The following PRR16 variants were observed in gnomAD, a reference collection of about 807,000 sequenced individuals.
PRR16 encodes protein Largen.
A neutral mutation model predicts 18.2 loss-of-function variants in PRR16; 6 were observed. The observed-to-expected ratio is 0.33, with a 90% CI of 0.18 to 0.65. The LOEUF (loss-of-function observed/expected upper bound fraction) is 0.65. Among genes scored for constraint, PRR16 ranks in the 30% least tolerant of loss-of-function variants. The pLI, the probability that PRR16 is intolerant of heterozygous loss-of-function variation, is 0.74. For synonymous variants in PRR16, 151 were observed against 147.8 expected, an observed-to-expected ratio of 1.02 and a Z score of -0.16; for missense variants, 412 against 376.6, an observed-to-expected ratio of 1.09 and a Z score of -0.78.
chr5:120,575,559 A>G (rs1753050614), intron 1 of PRR16, among the ~76,000 whole-genome samples: 1 of 152,192 alleles, frequency 6.6e-6, no homozygotes, highest in Non-Finnish European at 1.5e-5. Flanking sequence ...CCAAAACATC[A>G]TAATTATCTC....
At chr5:120,649,453 T>C (rs1026721626) in intron 1 of PRR16, among the ~76,000 whole-genome samples, 6 of 152,144 alleles carry the variant, frequency 3.9e-5, no homozygotes, top group African/African-American at 1.4e-4. Context: ...TCATTGTGAT[T>C]TTTTACTACT....
At chr5:120,579,465 C>T (rs1245837131) in intron 1 of PRR16, among the ~76,000 whole-genome samples, 1 of 152,168 alleles carries the variant, frequency 6.6e-6, no homozygotes, top group East Asian at 1.9e-4. Flanking sequence ...CCGTTTTCTG[C>T]ATATGGCTAG....
chr5:120,485,752 A>G (rs952340718), intron 1 of PRR16, among the ~76,000 whole-genome samples: 2 of 152,034 alleles, frequency 1.3e-5, no homozygotes, highest in Admixed American at 1.3e-4. Flanking sequence ...GCACCCATCA[A>G]CCCGTCATCT....
At chr5:120,774,576 T>A in the PRR16 span, among the ~76,000 whole-genome samples, 1 of 152,086 alleles carries the variant, frequency 6.6e-6, no homozygotes, top group Admixed American at 6.6e-5. Context: ...TCAACCCCAA[T>A]AAAAGATTAT....
At chr5:120,730,306 A>G in the PRR16 span, among the ~76,000 whole-genome samples, 2 of 152,160 alleles carry the variant, frequency 1.3e-5, no homozygotes, top group African/African-American at 2.4e-5. Context: ...ACCAGGGTGG[A>G]AAACAGAGAC....
At chr5:120,730,898 C>CT in the PRR16 span, among the ~76,000 whole-genome samples, 1 of 152,046 alleles carries the variant, frequency 6.6e-6, no homozygotes, top group African/African-American at 2.4e-5. Flanking sequence ...ATCTTTTGCT[C>CT]TTTTTATTGC....
the PRR16 span, among the ~76,000 whole-genome samples, chr5:120,736,724 A>T: frequency 4.6e-5 from 7 of 151,960 alleles, no homozygotes; most frequent in African/African-American, 1.4e-4. Context: ...TCTCATGAAC[A>T]TTGGATGTCT....
intron 1 of PRR16, among the ~76,000 whole-genome samples, chr5:120,576,053 A>G (rs2112744818): frequency 6.6e-6 from 1 of 152,286 alleles, no homozygotes; most frequent in African/African-American, 2.4e-5. Context: ...CTTAAATGGA[A>G]GACCCCTATA....
At chr5:120,467,125 A>G (rs1749129564) in intron 1 of PRR16, among the ~76,000 whole-genome samples, 3 of 152,198 alleles carry the variant, frequency 2.0e-5, no homozygotes, top group Non-Finnish European at 4.4e-5. Flanking sequence ...TGGATAAAGA[A>G]ATAACAAAAC....
At chr5:120,532,210 C>T (rs150579962) in intron 1 of PRR16, among the ~76,000 whole-genome samples, 6 of 152,166 alleles carry the variant, frequency 3.9e-5, no homozygotes, top group East Asian at 3.9e-4. Context: ...TATGCTTATC[C>T]GGCCATGCCA....
At chr5:120,779,593 TC>T in the PRR16 span, among the ~76,000 whole-genome samples, 2 of 152,168 alleles carry the variant, frequency 1.3e-5, no homozygotes, top group Admixed American at 1.3e-4. Flanking sequence ...GACACAGTAT[TC>T]TGGTGACTTT....
At chr5:120,737,338 T>C in the PRR16 span, among the ~76,000 whole-genome samples, 1 of 68,458 alleles carries the variant, frequency 1.5e-5, no homozygotes, top group African/African-American at 5.6e-5. Context: ...TTTTTTTTTT[T>C]ATGAAAGGGT....
At chr5:120,754,137 T>TAATATATAATATATA in the PRR16 span, among the ~76,000 whole-genome samples, 64,989 of 99,392 alleles carry the variant, frequency 0.65, 21,896 homozygotes, top group East Asian at 0.84. Flanking sequence ...ATATTCCGCT[T>TAATATATAATATATA]AATATATAAT....
At chr5:120,763,884 C>G in the PRR16 span, among the ~76,000 whole-genome samples, 1 of 151,942 alleles carries the variant, frequency 6.6e-6, no homozygotes, top group African/African-American at 2.4e-5. Context: ...TACAGATATG[C>G]TACTGATTGT....
At position 120,686,677 on chromosome 5, in the gene PRR16, A is replaced by G; in HGVS notation, c.883A>G (p.Ile295Val). The change falls in exon 2 of 2, where the codon ATC becomes GTC. Residue 295 changes from isoleucine (I) to valine (V), a missense_variant. Ile to Val is a conservative substitution (Grantham distance 29). Transcript: ENST00000407149. ...CACTGCACCAAAACCACAGAAGACG[A>G]TCTTGAGGAAGTCAACCACTACAAC... ...PPTAPKPQKT[I>V]LRKSTTTTV is the part of the protein sequence containing the mutation. The G allele has an allele frequency of 6.4e-7, 1 of 1,560,998 alleles. No homozygotes were observed. The highest frequency in any genetic ancestry group is 1.2e-5 in the South Asian group (1 of 82,850).
At chr5:120,491,454 CTT>C (rs1750040516) in intron 1 of PRR16, among the ~76,000 whole-genome samples, 1 of 90,974 alleles carries the variant, frequency 1.1e-5, no homozygotes, top group East Asian at 2.1e-4. Flanking sequence ...CTTTCCTTTC[CTT>C]TCCTTTCCTT....
intron 1 of PRR16, among the ~76,000 whole-genome samples, chr5:120,678,550 A>T (rs749258426): frequency 1.3e-5 from 2 of 152,190 alleles, no homozygotes; most frequent in Non-Finnish European, 2.9e-5. Flanking sequence ...ACACATAAAT[A>T]GACAGTCCCA....
At position 120,464,325 on chromosome 5, in the gene PRR16, C is replaced by T; in HGVS notation, c.-162C>T. On this transcript the variant is annotated 5_prime_UTR_variant, in exon 1 of 2. Coordinates refer to ENST00000407149, the MANE Select transcript of PRR16 (RefSeq NM_001300783.2). The stretch of plus-strand genomic sequence containing the variant: ...AGTTGATGGCAGCACCACTGTGCGG[C>T]CGCCCGGCCGAGCGCGGAGCGCAGC... 1.4e-6 allele frequency: 1 copy of T among 692,276 alleles called. No homozygotes were observed. The highest frequency in any genetic ancestry group is 4.2e-5 in the Admixed American group (1 of 24,038). The allele number at this position is 692,276 out of a possible 1,614,324, so 42.9% of individuals were successfully genotyped here.
intron 1 of PRR16, among the ~76,000 whole-genome samples, chr5:120,592,457 A>C (rs1271641226): frequency 6.6e-6 from 1 of 152,170 alleles, no homozygotes; most frequent in African/African-American, 2.4e-5. Context: ...GCTTCAAACA[A>C]TACATTAAAT....
Sources: gnomAD v4.1 joint callset for allele counts (sites outside exome capture counted in the v4.1 genomes callset) on GRCh38, gnomAD v4.1.1 for gene constraint, MANE v1.5 for transcripts, NCBI Gene and HGNC (gene_info 2026-07-23, HGNC 2026-07-21) for gene names.